The following E2F5 variants were observed in gnomAD, a reference collection of about 807,000 sequenced individuals.
The protein encoded by E2F5 is E2F transcription factor 5.
A neutral mutation model predicts 39.1 loss-of-function variants in E2F5; 23 were observed. The ratio of observed to expected loss-of-function variants is 0.59; its 90% CI spans 0.42 to 0.83. The LOEUF (loss-of-function observed/expected upper bound fraction) is 0.83. Among genes scored for constraint, E2F5 ranks in the 40% least tolerant of loss-of-function variants. The pLI, the probability that E2F5 is intolerant of heterozygous loss-of-function variation, is 0.00. For missense variants in E2F5, 365 were observed against 406.7 expected (o/e 0.90, Z 0.88); for synonymous variants, 145 against 157.8 (o/e 0.92, Z 0.61).
Position 85,177,208 on chromosome 8 carries a change from C to G in E2F5, c.-213C>G. On this transcript the variant is annotated 5_prime_UTR_variant, in exon 1 of 8. Coordinates refer to ENST00000416274, the MANE Select transcript of E2F5 (RefSeq NM_001951.4). ...GGTCGTGGGCCTCATTCACGCTTCC[C>G]CGGGCTTGGGGAGGGGGCGGAGGCC... 4.5e-6 allele frequency: 1 copy of G among 221,212 alleles called. No individual in the cohort carries two copies. Among genetic ancestry groups the G allele is most frequent in the South Asian group, 1.6e-4 (1 of 6,126 alleles). The allele number at this position is 221,212 out of a possible 1,614,324, so 13.7% of individuals were successfully genotyped here.
intron 1 of E2F5, among the ~76,000 whole-genome samples, chr8:85,179,643 C>A (rs889038211): frequency 1.3e-5 from 2 of 151,648 alleles, no homozygotes; most frequent in South Asian, 4.2e-4. Context: ...TTTATATATA[C>A]TTATATATGT....
chr8:85,183,678 C>T (rs760205451), intron 1 of E2F5, among the ~76,000 whole-genome samples: 2 of 152,114 alleles, frequency 1.3e-5, no homozygotes, highest in Admixed American at 6.6e-5. Flanking sequence ...ATTCCACTTA[C>T]GTGAGGTACC....
intron 1 of E2F5, among the ~76,000 whole-genome samples, chr8:85,198,249 C>A (rs1812622439): frequency 6.6e-6 from 1 of 151,986 alleles, no homozygotes; most frequent in Non-Finnish European, 1.5e-5. Flanking sequence ...TAGCAGTCAT[C>A]CCTTCTCTCT....
intron 7 of E2F5, 64 bp downstream of exon 7, chr8:85,212,268 A>AACATGATT (rs1812948685): frequency 1.7e-6 from 2 of 1,197,738 alleles, no homozygotes; most frequent in Non-Finnish European, 1.2e-6. Flanking sequence ...TTATAAGTGA[A>AACATGATT]ACATGATTTA....
At position 85,184,982 on chromosome 8, in the gene E2F5, T is replaced by C. The variant is rs113889037; in HGVS notation, c.234+7328T>C. 4.4e-4 allele frequency among the ~76,000 whole-genome samples: 67 copies of C among 152,282 alleles called. 1 individual carries two copies. Among genetic ancestry groups the C allele is most frequent in the African/African-American group, 1.1e-3 (46 of 41,570 alleles). On this transcript the variant is annotated intron_variant, in intron 1 of 7. Coordinates refer to ENST00000416274, the MANE Select transcript of E2F5 (RefSeq NM_001951.4). ...AATGCTATCCCTATCAAGCTACCAA[T>C]GACTTTCTTCACAGAATTGGAAAAA... is the stretch of plus-strand genomic sequence containing the variant.
intron 7 of E2F5, 88 bp from the exon 8 acceptor site, chr8:85,213,665 G>A: frequency 1.5e-6 from 1 of 657,274 alleles, no homozygotes; most frequent in Non-Finnish European, 2.7e-6. Flanking sequence ...ACTTTAATTT[G>A]GAATGATGTA....
chr8:85,178,256 A>T (rs999662768), intron 1 of E2F5: 1 of 151,778 alleles, frequency 6.6e-6, no homozygotes, highest in African/African-American at 2.4e-5. Flanking sequence ...CATCACCCTG[A>T]TAGTTAGGAG....
At chr8:85,195,732 C>G (rs917083448) in intron 1 of E2F5, among the ~76,000 whole-genome samples, 2 of 152,002 alleles carry the variant, frequency 1.3e-5, no homozygotes, top group Non-Finnish European at 2.9e-5. Flanking sequence ...TGGGCTCAAG[C>G]AATCCTCATA....
At chr8:85,182,926 T>A (rs761603539) in intron 1 of E2F5, among the ~76,000 whole-genome samples, 8 of 152,182 alleles carry the variant, frequency 5.3e-5, no homozygotes, top group Non-Finnish European at 8.8e-5. Context: ...TGAGCCTGAT[T>A]TAGATACATC....
intron 1 of E2F5, among the ~76,000 whole-genome samples, chr8:85,187,337 A>G (rs960020640): frequency 6.6e-6 from 1 of 151,850 alleles, no homozygotes; most frequent in African/African-American, 2.4e-5. Context: ...TAAATTTGAT[A>G]TTTTCTTATT....
intron 1 of E2F5, among the ~76,000 whole-genome samples, chr8:85,196,629 T>C (rs973627406): frequency 6.6e-6 from 1 of 152,242 alleles, no homozygotes; most frequent in Non-Finnish European, 1.5e-5. Context: ...CATTTAAAAA[T>C]GTTTTACCAC....
Position 85,202,268 on chromosome 8 carries a change from A to G in E2F5, c.344+12A>G, listed in dbSNP as rs770468544. ...AGTATCCAGTGGAAGTAAGTTACAA[A>G]CCAGCACCCTCTTCTGAAACCTTTT... On this transcript the variant is annotated intron_variant, in intron 2 of 7. Coordinates refer to ENST00000416274, the MANE Select transcript of E2F5 (RefSeq NM_001951.4). 1 of 1,559,090 alleles carries G rather than the reference A, an allele frequency of 6.4e-7. No homozygotes were observed. Among genetic ancestry groups the G allele is most frequent in the South Asian group, 1.2e-5 (1 of 86,340 alleles).
intron 1 of E2F5, among the ~76,000 whole-genome samples, chr8:85,182,777 G>A (rs1812247288): frequency 6.6e-6 from 1 of 152,110 alleles, no homozygotes; most frequent in African/African-American, 2.4e-5. Context: ...GTCAGTATGA[G>A]CTTTTTTAAG....
intron 3 of E2F5, 118 bp downstream of exon 3, chr8:85,203,373 T>C (rs890158593): frequency 3.9e-6 from 3 of 772,156 alleles, no homozygotes; most frequent in Non-Finnish European, 5.4e-6. Flanking sequence ...TAAGTAAATA[T>C]GACATTTTAA....
chr8:85,190,577 C>G (rs1812439976), intron 1 of E2F5, among the ~76,000 whole-genome samples: 1 of 124,354 alleles, frequency 8.0e-6, no homozygotes, highest in African/African-American at 3.1e-5. Context: ...GATCTCGGCT[C>G]ACTGCAACCT....
At chr8:85,195,582 T>G (rs1812562689) in intron 1 of E2F5, among the ~76,000 whole-genome samples, 1 of 152,062 alleles carries the variant, frequency 6.6e-6, no homozygotes, top group African/African-American at 2.4e-5. Flanking sequence ...CTCAACCTCC[T>G]GGGTTCTAGT....
At position 85,202,401 on chromosome 8, in the gene E2F5, C is replaced by T. The variant is rs1387536955; in HGVS notation, c.344+145C>T. On this transcript the variant is annotated intron_variant, in intron 2 of 7. Coordinates refer to ENST00000416274, the MANE Select transcript of E2F5 (RefSeq NM_001951.4). The stretch of plus-strand genomic sequence containing the variant: ...TCCCTGAACACACCTTTCTGGGCCT[C>T]TGTGTCACTCCTGTGTTGGGTGTTC... The T allele has an allele frequency of 6.6e-6, 4 of 609,456 alleles. No homozygotes were observed. The East Asian group carries it at 8.6e-5, about 13-fold the overall frequency. 37.8% of individuals were successfully genotyped at this position (609,456 alleles called of 1,614,324 possible).
intron 1 of E2F5, among the ~76,000 whole-genome samples, chr8:85,178,675 C>G (rs774460562): frequency 2.0e-5 from 3 of 152,226 alleles, no homozygotes; most frequent in African/African-American, 4.8e-5. Flanking sequence ...AGGGGAGTGC[C>G]TGGACCACCT....
At chr8:85,189,662 C>T (rs190386320) in intron 1 of E2F5, among the ~76,000 whole-genome samples, 2 of 152,292 alleles carry the variant, frequency 1.3e-5, no homozygotes, top group East Asian at 1.9e-4. Context: ...AGCCACTGCA[C>T]CCAACCTCTT....
Sources: allele counts gnomAD v4.1 joint callset (sites outside exome capture counted in the v4.1 genomes callset), GRCh38; gene constraint gnomAD v4.1.1; transcripts MANE v1.5; gene names NCBI Gene and HGNC (gene_info 2026-07-23, HGNC 2026-07-21).